Variants in FER observed in about 807,000 individuals in gnomAD.
FER encodes the protein FER tyrosine kinase.
A neutral mutation model predicts 111.0 loss-of-function variants in FER; 63 were observed. The ratio of observed to expected loss-of-function variants is 0.57; its 90% CI spans 0.46 to 0.70. FER has a LOEUF of 0.70. FER is among the 30% of genes least tolerant of loss of function. The pLI, the probability that FER is intolerant of heterozygous loss-of-function variation, is 0.00. For missense variants in FER, 914 were observed against 954.0 expected, an observed-to-expected ratio of 0.96 and a Z score of 0.55; for synonymous variants, 327 against 313.9, an observed-to-expected ratio of 1.04 and a Z score of -0.44.
Position 109,180,743 on chromosome 5 carries a change from C to T in FER, c.2049-4C>T. The T allele has an allele frequency of 6.2e-7, 1 of 1,609,636 alleles. No homozygotes were observed. Among genetic ancestry groups the T allele is most frequent in the Non-Finnish European group, 8.5e-7 (1 of 1,178,266 alleles). ...GGCGTTTTCTGTGTCTTACTGTAAC[C>T]TAGGGACCTTGCTGCAAGAAACTGC... On this transcript the variant is annotated splice_polypyrimidine_tract_variant and splice_region_variant and intron_variant, in intron 17 of 19. Coordinates refer to ENST00000281092, the MANE Select transcript of FER (RefSeq NM_005246.4).
intron 10 of FER, among the ~76,000 whole-genome samples, chr5:108,911,019 A>G (rs928307593): frequency 2.0e-5 from 3 of 152,036 alleles, no homozygotes; most frequent in Non-Finnish European, 2.9e-5. Flanking sequence ...TAGTAGTTCT[A>G]TTTTTAGTTC....
chr5:109,038,951 C>T lies in FER; in HGVS notation c.1713+1473C>T, dbSNP rs1311852996. The stretch of plus-strand genomic sequence containing the variant: ...CTATTTCAAAGAATAATTTTTTTCT[C>T]AACGACAAGTAATATGTCAGTCTTA... On this transcript the variant is annotated intron_variant, in intron 14 of 19. Transcript: ENST00000281092. Among the ~76,000 whole-genome samples, 3 of 151,920 alleles carry T rather than the reference C, an allele frequency of 2.0e-5. No individual in the cohort carries two copies. The East Asian group carries it at 5.8e-4, about 29-fold the overall frequency.
intron 17 of FER, among the ~76,000 whole-genome samples, chr5:109,116,455 CAG>C (rs963493539): frequency 2.7e-5 from 4 of 148,208 alleles, no homozygotes; most frequent in African/African-American, 7.5e-5. Flanking sequence ...AAAAAAATAA[CAG>C]TGTCAATGTA....
At chr5:109,094,036 C>T (rs1478944452) in intron 16 of FER, among the ~76,000 whole-genome samples, 1 of 151,940 alleles carries the variant, frequency 6.6e-6, no homozygotes, top group East Asian at 1.9e-4. Flanking sequence ...AACTTCTTTG[C>T]CTTGGTGGCA....
intron 5 of FER, among the ~76,000 whole-genome samples, chr5:108,843,268 G>A (rs1205867648): frequency 6.6e-6 from 1 of 152,078 alleles, no homozygotes; most frequent in Non-Finnish European, 1.5e-5. Context: ...TGGCTGAGTA[G>A]TATTCCATCA....
chr5:108,942,851 A>G (rs1199062005), intron 10 of FER, among the ~76,000 whole-genome samples: 2 of 152,056 alleles, frequency 1.3e-5, no homozygotes, highest in Non-Finnish European at 2.9e-5. Flanking sequence ...CCTGCTTTGC[A>G]TAAGAAGCCC....
intron 17 of FER, among the ~76,000 whole-genome samples, chr5:109,162,480 G>C (rs1299134397): frequency 2.0e-5 from 3 of 152,072 alleles, no homozygotes; most frequent in African/African-American, 7.2e-5. Flanking sequence ...GGCTACATTA[G>C]AGCCTCACAT....
intron 13 of FER, among the ~76,000 whole-genome samples, chr5:109,013,955 T>A (rs1267700276): frequency 6.6e-6 from 1 of 152,100 alleles, no homozygotes; most frequent in Non-Finnish European, 1.5e-5. Flanking sequence ...TAAATTTGTT[T>A]GAGTTCATTG....
intron 10 of FER, among the ~76,000 whole-genome samples, chr5:108,909,260 TA>T (rs1751217611): frequency 6.6e-6 from 1 of 152,196 alleles, no homozygotes. Flanking sequence ...AGATGAATTT[TA>T]AATCCTTTTT....
At chr5:108,999,339 A>T (rs944050117) in intron 13 of FER, among the ~76,000 whole-genome samples, 1 of 152,134 alleles carries the variant, frequency 6.6e-6, no homozygotes, top group Admixed American at 6.5e-5. Flanking sequence ...AATTATATTC[A>T]CCTGTATGGA....
At chr5:109,144,395 G>A (rs1753844742) in intron 17 of FER, among the ~76,000 whole-genome samples, 1 of 152,028 alleles carries the variant, frequency 6.6e-6, no homozygotes, top group East Asian at 1.9e-4. Flanking sequence ...GCTTCCTTGA[G>A]ATCTGAGTCT....
chr5:109,027,913 T>C (rs573494893), intron 13 of FER, among the ~76,000 whole-genome samples: 32 of 152,368 alleles, frequency 2.1e-4, no homozygotes, highest in African/African-American at 7.5e-4. Flanking sequence ...CTTATTACTG[T>C]ATCTACTTGT....
At chr5:109,145,198 C>G (rs1753948509) in intron 17 of FER, among the ~76,000 whole-genome samples, 1 of 151,986 alleles carries the variant, frequency 6.6e-6, no homozygotes, top group African/African-American at 2.4e-5. Context: ...TCCAATGTTG[C>G]ACATGCATAA....
intron 16 of FER, among the ~76,000 whole-genome samples, chr5:109,055,477 A>ACC (rs1773496772): frequency 6.6e-6 from 1 of 152,146 alleles, no homozygotes; most frequent in African/African-American, 2.4e-5. Flanking sequence ...AGAAAAGCAA[A>ACC]TAACTCAGTT....
intron 4 of FER, 55 bp downstream of exon 4, chr5:108,832,998 A>G (rs1760208868): frequency 2.0e-6 from 3 of 1,465,330 alleles, no homozygotes; most frequent in Admixed American, 2.2e-5. Context: ...AATTCACAGA[A>G]ATATTTTACC....
At chr5:108,782,190 G>A (rs572073327) in intron 2 of FER, among the ~76,000 whole-genome samples, 50 of 152,194 alleles carry the variant, frequency 3.3e-4, no homozygotes, top group Non-Finnish European at 4.7e-4. Flanking sequence ...GTGGTTTGCC[G>A]TGTGACTTCA....
intron 17 of FER, among the ~76,000 whole-genome samples, chr5:109,137,315 CAG>C (rs1157720538): frequency 2.6e-5 from 4 of 152,168 alleles, no homozygotes; most frequent in African/African-American, 9.7e-5. Context: ...ATGTACCAAT[CAG>C]AGGGTCCACA....
At chr5:108,878,515 G>A (rs192614184) in intron 8 of FER, among the ~76,000 whole-genome samples, 2 of 152,108 alleles carry the variant, frequency 1.3e-5, no homozygotes, top group East Asian at 1.9e-4. Flanking sequence ...TCTTCTTAAT[G>A]TGTACAGTGT....
At chr5:108,959,680 A>G (rs959300578) in intron 13 of FER, among the ~76,000 whole-genome samples, 22 of 152,156 alleles carry the variant, frequency 1.4e-4, no homozygotes, top group African/African-American at 5.1e-4. Context: ...TCTAAGTTGT[A>G]TAAGTCAAAG....
Sources: allele counts gnomAD v4.1 joint callset (sites outside exome capture counted in the v4.1 genomes callset), GRCh38; gene constraint gnomAD v4.1.1; transcripts MANE v1.5; gene names NCBI Gene and HGNC (gene_info 2026-07-23, HGNC 2026-07-21).